ADCY3: variants seen among roughly 807,000 people sequenced by gnomAD.
The protein encoded by ADCY3 is adenylate cyclase 3.
A neutral mutation model predicts 119.4 loss-of-function variants in ADCY3; 70 were observed. That is an observed-to-expected ratio of 0.59 (90% CI 0.48 to 0.72). The LOEUF is 0.72. ADCY3 is among the 30% of genes least tolerant of loss of function. ADCY3 has a pLI of 0.00. For synonymous variants in ADCY3, 672 were observed against 621.4 expected, an observed-to-expected ratio of 1.08 and a Z score of -1.21; for missense variants, 1,238 against 1,541.6, an observed-to-expected ratio of 0.80 and a Z score of 3.30.
At chr2:24,900,783 A>G (rs1318925418) in intron 2 of ADCY3, among the ~76,000 whole-genome samples, 1 of 152,144 alleles carries the variant, frequency 6.6e-6, no homozygotes, top group Non-Finnish European at 1.5e-5. Context: ...ACAAATTAGA[A>G]CCAGGAAAGG....
intron 2 of ADCY3, among the ~76,000 whole-genome samples, chr2:24,892,460 C>T (rs1488864699): frequency 6.6e-6 from 1 of 152,142 alleles, no homozygotes; most frequent in African/African-American, 2.4e-5. Context: ...ACTGTGTTAG[C>T]CAGGATGGTC....
chr2:24,912,576 T>C (rs558905554), intron 2 of ADCY3, among the ~76,000 whole-genome samples: 1 of 65,424 alleles, frequency 1.5e-5, no homozygotes, highest in East Asian at 4.7e-4. Context: ...TGCATGTGTG[T>C]GTGTGTGTGC....
intron 2 of ADCY3, among the ~76,000 whole-genome samples, chr2:24,906,146 A>C (rs1212791103): frequency 1.3e-5 from 2 of 152,044 alleles, no homozygotes; most frequent in Admixed American, 6.6e-5. Flanking sequence ...GTCTCTACTA[A>C]AACTACAAAA....
intron 3 of ADCY3, among the ~76,000 whole-genome samples, chr2:24,858,500 T>A (rs1308348410): frequency 6.6e-6 from 1 of 152,172 alleles, no homozygotes; most frequent in Non-Finnish European, 1.5e-5. Flanking sequence ...AGCTGGTAAA[T>A]GAGAGATCTC....
intron 2 of ADCY3, among the ~76,000 whole-genome samples, chr2:24,882,200 C>A (rs1017221684): frequency 6.6e-6 from 1 of 152,110 alleles, no homozygotes; most frequent in African/African-American, 2.4e-5. Context: ...CCCAGAAGGC[C>A]CACGTTTCAG....
intron 2 of ADCY3, among the ~76,000 whole-genome samples, chr2:24,902,587 G>A (rs939561593): frequency 6.6e-5 from 10 of 151,862 alleles, no homozygotes; most frequent in Non-Finnish European, 1.5e-4. Flanking sequence ...GGTTTGAACC[G>A]CACAGGTCCA....
intron 2 of ADCY3, among the ~76,000 whole-genome samples, chr2:24,875,079 T>C (rs1175087854): frequency 6.6e-6 from 1 of 152,166 alleles, no homozygotes; most frequent in Admixed American, 6.5e-5. Flanking sequence ...GTTCACTCGA[T>C]AGAGCCTGTC....
At chr2:24,851,270 TG>T (rs1238827707) in intron 3 of ADCY3, among the ~76,000 whole-genome samples, 1 of 151,002 alleles carries the variant, frequency 6.6e-6, no homozygotes, top group Admixed American at 6.6e-5. Flanking sequence ...AAAATGGGGG[TG>T]GGGGAAGGCA....
At chr2:24,873,637 C>T (rs79451155) in intron 2 of ADCY3, among the ~76,000 whole-genome samples, 9,314 of 152,304 alleles carry the variant, frequency 0.061, 380 homozygotes, top group East Asian at 0.094. Context: ...GCTGCTACTC[C>T]AATCTTTGGC....
At chr2:24,854,117 T>C (rs543985508) in intron 3 of ADCY3, among the ~76,000 whole-genome samples, 11 of 152,342 alleles carry the variant, frequency 7.2e-5, no homozygotes, top group African/African-American at 2.4e-4. Flanking sequence ...GGCTTCACTC[T>C]TGGACTGTGA....
At chr2:24,849,033 G>A (rs569679924) in intron 3 of ADCY3, among the ~76,000 whole-genome samples, 113 of 152,328 alleles carry the variant, frequency 7.4e-4, no homozygotes, top group African/African-American at 2.5e-3. Flanking sequence ...ATGGGGAGGC[G>A]TGGTCAGGTG....
intron 2 of ADCY3, among the ~76,000 whole-genome samples, chr2:24,912,595 GTGTGTGTGCA>G (rs142264839): frequency 0.032 from 1,408 of 43,764 alleles, 50 homozygotes; most frequent in African/African-American, 0.26. Flanking sequence ...GCATGTGTGT[GTGTGTGTGCA>G]TGTGTGTGTG....
In ADCY3 at chr2:24,871,468, C is replaced by G. The variant is rs547720468; in HGVS notation, c.825+1102G>C. Among the ~76,000 whole-genome samples the G allele has an allele frequency of 4.7e-4, 72 of 152,354 alleles. 1 individual carries two copies. In the South Asian group the frequency reaches 0.014, roughly 30 times the overall value. ...GGGGAGGAAGAAAACATCCCCAGGA[C>G]AGTGGAATCGGAGGCCCATCAGCTA... On this transcript the variant is annotated intron_variant, in intron 3 of 21. Coordinates refer to ENST00000679454, the MANE Select transcript of ADCY3 (RefSeq NM_004036.5).
chr2:24,820,419 G>A, intron 21 of ADCY3: 3 of 1,326,704 alleles, frequency 2.3e-6, no homozygotes, highest in Middle Eastern at 2.8e-4. Context: ...CTGTCCCTTT[G>A]CCCCTTTCGT....
At chr2:24,821,367 G>A (rs996784741) in intron 20 of ADCY3, 150 bp downstream of exon 20, 2 of 1,166,198 alleles carry the variant, frequency 1.7e-6, no homozygotes. Context: ...TGGACTAAAG[G>A]TCTTTCAGGT....
chr2:24,838,700 G>A (rs1558432738), intron 7 of ADCY3, 78 bp from the exon 8 acceptor site: 10 of 1,592,620 alleles, frequency 6.3e-6, no homozygotes, highest in East Asian at 2.2e-5. Flanking sequence ...CACGGACCAC[G>A]GCTGCACCGG....
Position 24,839,064 on chromosome 2 carries a change from TC to T in ADCY3, c.1356-443del, listed in dbSNP as rs1262339099. ...TTCAAGCAATTCTCCTGCCTCAGCCTCCAGAGTAGCTGGAATTACAGGTGCA... is the reference window on the plus strand; with the variant it reads ...TTCAAGCAATTCTCCTGCCTCAGCCTCAGAGTAGCTGGAATTACAGGTGCA... On this transcript the variant is annotated intron_variant, in intron 7 of 21. Coordinates refer to ENST00000679454, the MANE Select transcript of ADCY3 (RefSeq NM_004036.5). Among the ~76,000 whole-genome samples the T allele has an allele frequency of 7.3e-5, 11 of 151,092 alleles. No individual in the cohort carries two copies. In the South Asian group the frequency reaches 1.9e-3, roughly 26 times the overall value.
At chr2:24,870,283 T>C (rs1217782855) in intron 3 of ADCY3, among the ~76,000 whole-genome samples, 1 of 139,232 alleles carries the variant, frequency 7.2e-6, no homozygotes, top group East Asian at 2.1e-4. Flanking sequence ...ATTGTGCCAC[T>C]GCACTCTAGC....
rs6725517 is a variant in ADCY3, at chr2:24,906,604, A to G, written c.675+11709T>C. 0.5 allele frequency among the ~76,000 whole-genome samples: 75,876 copies of G among 152,192 alleles called. 20,935 individuals carry two copies. Among genetic ancestry groups the G allele is most frequent in the African/African-American group, 0.75 (31,190 of 41,546 alleles). On this transcript the variant is annotated intron_variant, in intron 2 of 21. Coordinates refer to ENST00000679454, the MANE Select transcript of ADCY3 (RefSeq NM_004036.5). ...CCTGTGGGCAGTGGGGTCGGCCCCC[A>G]GCCCCACGTGGGAGGATGAACAACC...
Sources: gnomAD v4.1 joint callset for allele counts (sites outside exome capture counted in the v4.1 genomes callset) on GRCh38, gnomAD v4.1.1 for gene constraint, MANE v1.5 for transcripts, NCBI Gene and HGNC (gene_info 2026-07-23, HGNC 2026-07-21) for gene names.